EPS15: variants seen among roughly 807,000 people sequenced by gnomAD.
EPS15 encodes epidermal growth factor receptor substrate 15.
In EPS15, 72 loss-of-function variants were observed where a neutral mutation model predicts 113.8. That is an observed-to-expected ratio of 0.63 (90% CI 0.52 to 0.77). The LOEUF (loss-of-function observed/expected upper bound fraction) is 0.77. Among genes scored for constraint, EPS15 ranks in the 30% least tolerant of loss-of-function variants. EPS15 has a pLI of 0.00. For synonymous variants in EPS15, 344 were observed against 363.4 expected, an observed-to-expected ratio of 0.95 and a Z score of 0.61; for missense variants, 1,048 against 1,045.8, an observed-to-expected ratio of 1.00 and a Z score of -0.03.
At chr1:51,500,062 G>A (rs112812012) in intron 1 of EPS15, among the ~76,000 whole-genome samples, 2 of 152,178 alleles carry the variant, frequency 1.3e-5, no homozygotes, top group African/African-American at 4.8e-5. Flanking sequence ...TTCTGCATTT[G>A]GCTTATTTCA....
intron 12 of EPS15, among the ~76,000 whole-genome samples, chr1:51,439,707 A>C (rs1032107157): frequency 6.6e-6 from 1 of 152,098 alleles, no homozygotes; most frequent in Non-Finnish European, 1.5e-5. Flanking sequence ...ATAAGAAAGA[A>C]GATTCAACTT....
intron 8 of EPS15, among the ~76,000 whole-genome samples, chr1:51,452,474 G>T (rs1246628147): frequency 6.6e-6 from 1 of 151,840 alleles, no homozygotes. Context: ...GCAGAGATGG[G>T]GGTCTCACTA....
rs141903119 is a variant in EPS15, at chr1:51,428,024, A to G, written c.1041-6166T>C. On this transcript the variant is annotated intron_variant, in intron 12 of 24. Coordinates refer to ENST00000371733, the MANE Select transcript of EPS15 (RefSeq NM_001981.3). ...ATTTGTGACATATAATCAATCCTTAATAAGATTATCAATGGATTTCTCAGC... is the reference window on the plus strand; with the variant it reads ...ATTTGTGACATATAATCAATCCTTAGTAAGATTATCAATGGATTTCTCAGC... 5.4e-3 allele frequency among the ~76,000 whole-genome samples: 823 copies of G among 152,302 alleles called. 3 individuals are homozygous for G. The highest frequency in any genetic ancestry group is 0.019 in the African/African-American group (787 of 41,566).
chr1:51,444,895 TA>T lies in EPS15; in HGVS notation c.947del (p.Leu316TyrfsTer6). 1 of 1,612,972 alleles carries T rather than the reference TA, an allele frequency of 6.2e-7. No individual in the cohort carries two copies. Among genetic ancestry groups the T allele is most frequent in the Admixed American group, 1.7e-5 (1 of 59,760 alleles). On this transcript the variant is annotated frameshift_variant, in exon 11 of 25. Transcript: ENST00000371733. LOFTEE classifies it high-confidence loss of function. ...EMIPPSDRASLQKNIIGSSPV... is the reference protein window; with the variant it reads ...EMIPPSDRASXQKNIIGSSPV... ...TCCTTTTAAGCTTTCTTACCTTTTG[TA>T]AACTGGCCCTGTCTGATGGTGGAAT...
chr1:51,403,565 A>C, intron 16 of EPS15, 33 bp from the exon 17 acceptor site: 5 of 1,223,378 alleles, frequency 4.1e-6, no homozygotes, highest in Non-Finnish European at 5.8e-6. Context: ...GATTAACAAT[A>C]TACTTTTTGA....
Position 51,361,460 on chromosome 1 carries a change from T to C in EPS15, c.2360-105A>G, listed in dbSNP as rs990994553. 96 of 795,508 alleles carry C rather than the reference T, an allele frequency of 1.2e-4. No individual in the cohort carries two copies. The African/African-American group carries it at 1.5e-3, about 13-fold the overall frequency. The allele number at this position is 795,508 out of a possible 1,614,324, so 49.3% of individuals were successfully genotyped here. A position where few individuals can be genotyped will look rare whatever the true frequency, so the allele number is the denominator to read the frequency against. Reference sequence around the variant, plus strand: ...TTAAAGTACTGTGGGTAGAGGATGATTGAGTACCTAAAACACATTCTGAAT... The same window carrying C: ...TTAAAGTACTGTGGGTAGAGGATGACTGAGTACCTAAAACACATTCTGAAT... On this transcript the variant is annotated intron_variant, in intron 23 of 24. Coordinates refer to ENST00000371733, the MANE Select transcript of EPS15 (RefSeq NM_001981.3).
At chr1:51,476,731 G>C (rs1201048450) in intron 2 of EPS15, among the ~76,000 whole-genome samples, 1 of 151,752 alleles carries the variant, frequency 6.6e-6, no homozygotes, top group Non-Finnish European at 1.5e-5. Flanking sequence ...ATTTCTCATT[G>C]GTTCCATTTA....
At chr1:51,423,367 C>T in intron 12 of EPS15, 1 of 1,093,492 alleles carries the variant, frequency 9.1e-7, no homozygotes. Context: ...TAAGCAAATT[C>T]AAGAAATACA....
intron 2 of EPS15, among the ~76,000 whole-genome samples, chr1:51,476,448 T>C (rs894119027): frequency 6.6e-6 from 1 of 152,162 alleles, no homozygotes; most frequent in Admixed American, 6.5e-5. Flanking sequence ...GTTGAGGAAT[T>C]TACCCATTTC....
intron 13 of EPS15, among the ~76,000 whole-genome samples, chr1:51,414,444 ATC>A (rs1650026862): frequency 6.6e-6 from 1 of 151,992 alleles, no homozygotes. Flanking sequence ...AGAAAATATA[ATC>A]TATTTTGAAT....
At chr1:51,401,920 C>T (rs189584385) in intron 18 of EPS15, among the ~76,000 whole-genome samples, 3 of 152,150 alleles carry the variant, frequency 2.0e-5, no homozygotes, top group African/African-American at 4.8e-5. Context: ...GGGCGGATCA[C>T]GAGGTCAAGA....
At chr1:51,506,399 TA>T (rs1644499774) in intron 1 of EPS15, among the ~76,000 whole-genome samples, 1 of 152,192 alleles carries the variant, frequency 6.6e-6, no homozygotes, top group Non-Finnish European at 1.5e-5. Context: ...AGAAAAACTA[TA>T]AGCAGTACCT....
intron 21 of EPS15, among the ~76,000 whole-genome samples, chr1:51,388,630 G>A (rs1328260714): frequency 6.6e-6 from 1 of 152,106 alleles, no homozygotes; most frequent in East Asian, 1.9e-4. Context: ...AACTGATAAA[G>A]GGGATATCAC....
intron 20 of EPS15, among the ~76,000 whole-genome samples, chr1:51,397,806 TA>T (rs1417340729): frequency 2.6e-5 from 4 of 152,204 alleles, no homozygotes; most frequent in Non-Finnish European, 5.9e-5. Flanking sequence ...AATCTAATAG[TA>T]CTAGAAGACA....
intron 2 of EPS15, among the ~76,000 whole-genome samples, chr1:51,476,917 T>C (rs907319008): frequency 1.3e-4 from 20 of 152,304 alleles, no homozygotes; most frequent in African/African-American, 3.8e-4. Context: ...AAAATTCTCT[T>C]TTTTTGTTGT....
chr1:51,382,804 A>T (rs541304422), intron 21 of EPS15, among the ~76,000 whole-genome samples: 9 of 152,348 alleles, frequency 5.9e-5, no homozygotes, highest in African/African-American at 1.7e-4. Flanking sequence ...GAATTCTACC[A>T]AACATTTAAA....
At chr1:51,491,886 A>G (rs1644240602) in intron 1 of EPS15, among the ~76,000 whole-genome samples, 1 of 142,346 alleles carries the variant, frequency 7.0e-6, no homozygotes, top group Non-Finnish European at 1.5e-5. Flanking sequence ...TTTTTGAGAC[A>G]GAGTGTTGCC....
chr1:51,386,272 GAA>G (rs987079507), intron 21 of EPS15, among the ~76,000 whole-genome samples: 1 of 152,130 alleles, frequency 6.6e-6, no homozygotes, highest in African/African-American at 2.4e-5. Flanking sequence ...ACAGATAAGA[GAA>G]AAGTAAAGTA....
At chr1:51,508,331 A>AAAGAAAG (rs1157863626) in intron 1 of EPS15, among the ~76,000 whole-genome samples, 1 of 105,148 alleles carries the variant, frequency 9.5e-6, no homozygotes, top group African/African-American at 3.8e-5. Context: ...AGAGAGAAAG[A>AAAGAAAG]GAAAGAGAGA....
Sources: allele counts gnomAD v4.1 joint callset (sites outside exome capture counted in the v4.1 genomes callset), GRCh38; gene constraint gnomAD v4.1.1; transcripts MANE v1.5; gene names NCBI Gene and HGNC (gene_info 2026-07-23, HGNC 2026-07-21).